DAG1: variants seen among roughly 807,000 people sequenced by gnomAD.
DAG1 encodes dystroglycan 1 (dystrophin-associated glycoprotein 1).
A neutral mutation model predicts 46.1 loss-of-function variants in DAG1; 8 were observed. The ratio of observed to expected loss-of-function variants is 0.17; its 90% confidence interval spans 0.10 to 0.31. The LOEUF is 0.31. DAG1 is among the 10% of genes least tolerant of loss of function. The pLI, the probability that DAG1 is intolerant of heterozygous loss-of-function variation, is 1.00. For missense variants in DAG1, 1,003 were observed against 1,189.9 expected, an observed-to-expected ratio of 0.84 and a Z score of 2.31; for synonymous variants, 495 against 481.8, an observed-to-expected ratio of 1.03 and a Z score of -0.36.
At chr3:49,493,086 C>G (rs1477926865) in intron 1 of DAG1, 1 of 133,528 alleles carries the variant, frequency 7.5e-6, no homozygotes, top group Non-Finnish European at 1.5e-5. Context: ...GCTCAGTCAC[C>G]CAGGCGGGAG....
intron 2 of DAG1, among the ~76,000 whole-genome samples, chr3:49,523,174 T>C (rs2051081888): frequency 6.6e-6 from 1 of 152,182 alleles, no homozygotes; most frequent in Non-Finnish European, 1.5e-5. Flanking sequence ...CAGAAATCTT[T>C]ATACCAGGCA....
rs1243542310 is a variant in DAG1 at position 49,481,185 on chromosome 3, G to C, written c.-117+10752G>C. 8.1e-5 allele frequency among the ~76,000 whole-genome samples: 12 copies of C among 148,276 alleles called. No individual in the cohort carries two copies. In the South Asian group the frequency reaches 1.7e-3, roughly 21 times the overall value. The stretch of plus-strand genomic sequence containing the variant: ...CGGGCGGATCACAAGGTCAGGAGAT[G>C]GAGACCGTCCTGGCTAACATGGTGA... On this transcript the variant is annotated intron_variant, in intron 1 of 2. Coordinates refer to ENST00000308775, the MANE Select transcript of DAG1 (RefSeq NM_004393.6).
rs370669533 is a variant in DAG1 at position 49,532,219 on chromosome 3, G to T, written c.1708G>T (p.Val570Leu). ...GTATGGCCTTCCCGACAGCAGCCAC[G>T]TGGGCAAACACGAGTATTTCATGCA... ...LMYGLPDSSHVGKHEYFMHAT... is the reference protein window; with the variant it reads ...LMYGLPDSSHLGKHEYFMHAT... Residue 570 changes from valine to leucine, a missense_variant, in exon 3 of 3, where the codon GTG becomes TTG. Transcript: ENST00000308775. This position sits in a 1 kb window ranked among gnomAD's most constrained non-coding sequence, Gnocchi z 5.4. 6.8e-6 allele frequency: 11 copies of T among 1,614,088 alleles called. No individual in the cohort carries two copies. Among genetic ancestry groups the T allele is most frequent in the East Asian group, 2.2e-5 (1 of 44,872 alleles).
intron 1 of DAG1, among the ~76,000 whole-genome samples, chr3:49,481,164 C>T (rs1179420918): frequency 1.4e-5 from 2 of 145,768 alleles, no homozygotes; most frequent in African/African-American, 2.5e-5. Flanking sequence ...CTGAGGCGGG[C>T]GGATCACAAG....
rs746894568 is a variant in DAG1, at chr3:49,531,087, G to A, written c.576G>A (p.Thr192=). Residue 192 remains threonine (T), a synonymous_variant, in exon 3 of 3, where the codon ACG becomes ACA. Transcript: ENST00000308775. The surrounding 1 kb of genome is among the most constrained non-coding windows in gnomAD (Gnocchi z 7.0). ...CGGATGAACCTGTGACTGTTTTGAC[G>A]GTGATTTTGGATGCCGACCTCACCA... ...CAADEPVTVL[T]VILDADLTKM... is the part of the protein sequence containing the mutation. 1.8e-5 allele frequency: 29 copies of A among 1,614,028 alleles called. No individual in the cohort carries two copies. The highest frequency in any genetic ancestry group is 2.3e-5 in the Non-Finnish European group (27 of 1,180,028).
In DAG1 at chr3:49,532,640, C is replaced by T. The variant is rs1200594266; in HGVS notation, c.2129C>T (p.Ser710Phe). 2.5e-6 allele frequency: 4 copies of T among 1,614,056 alleles called. No homozygotes were observed. The highest frequency in any genetic ancestry group is 3.3e-5 in the Admixed American group (2 of 60,022). The change falls in exon 3 of 3, where the codon TCT (serine) becomes TTT (phenylalanine). Residue 710 changes from serine to phenylalanine, a missense_variant. Transcript: ENST00000308775. The surrounding 1 kb of genome is among the most constrained non-coding windows in gnomAD (Gnocchi z 5.4). ...FKATSITVTG[S>F]GSCRHLQFIP... ...GCCACAAGCATCACTGTGACGGGCTCTGGCAGTTGTCGGCACCTACAGTTT... is the reference window on the plus strand; with the variant it reads ...GCCACAAGCATCACTGTGACGGGCTTTGGCAGTTGTCGGCACCTACAGTTT...
At chr3:49,500,014 G>A (rs1223482698) in intron 1 of DAG1, among the ~76,000 whole-genome samples, 5 of 145,116 alleles carry the variant, frequency 3.4e-5, no homozygotes, top group African/African-American at 5.2e-5. Context: ...TTGCTCTGTC[G>A]CCCAGTCTGG....
chr3:49,501,165 A>G (rs1203119728), intron 1 of DAG1, among the ~76,000 whole-genome samples: 1 of 152,156 alleles, frequency 6.6e-6, no homozygotes, highest in African/African-American at 2.4e-5. Flanking sequence ...CATGAAACAG[A>G]CACCCCATGT....
intron 2 of DAG1, among the ~76,000 whole-genome samples, chr3:49,519,569 C>A (rs2050977469): frequency 6.6e-6 from 1 of 152,136 alleles, no homozygotes; most frequent in Non-Finnish European, 1.5e-5. Flanking sequence ...GCAGTTTCTT[C>A]CTGCCTTGAG....
chr3:49,489,238 A>T (rs920344470), intron 1 of DAG1, among the ~76,000 whole-genome samples: 8 of 151,986 alleles, frequency 5.3e-5, no homozygotes, highest in African/African-American at 1.9e-4. Flanking sequence ...GATTACAGGC[A>T]TGTGCCACCA....
rs1466569530 is a variant in DAG1, at chr3:49,531,650, C to A, written c.1139C>A (p.Pro380Gln). The change falls in exon 3 of 3, where the codon CCA becomes CAA. Residue 380 changes from proline (P) to glutamine (Q), a missense_variant. This residue lies in a region of DAG1 where 755 missense variants were observed against 854.1 expected (regional missense o/e 0.88). Coordinates refer to ENST00000308775, the MANE Select transcript of DAG1 (RefSeq NM_004393.6). This position sits in a 1 kb window ranked among gnomAD's most constrained non-coding sequence, Gnocchi z 7.0. ...ACTCGAGGCGCCATTATTCAAACCC[C>A]AACCCTAGGCCCCATCCAGCCTACT... ...IRTRGAIIQT[P>Q]TLGPIQPTRV... 3 of 1,613,046 alleles carry A rather than the reference C, an allele frequency of 1.9e-6. No individual in the cohort carries two copies. The South Asian group carries it at 3.3e-5, about 18-fold the overall frequency.
At chr3:49,499,928 G>C (rs921150608) in intron 1 of DAG1, among the ~76,000 whole-genome samples, 2 of 151,606 alleles carry the variant, frequency 1.3e-5, no homozygotes, top group East Asian at 3.9e-4. Flanking sequence ...GGCTACAAAG[G>C]TCACTACCTT....
intron 2 of DAG1, among the ~76,000 whole-genome samples, chr3:49,522,076 C>T (rs1282014171): frequency 2.6e-5 from 4 of 151,898 alleles, no homozygotes; most frequent in African/African-American, 9.7e-5. Flanking sequence ...GTCCCCCAGG[C>T]TGGAGTGCAA....
chr3:49,518,485 C>T (rs1255939060), intron 2 of DAG1, among the ~76,000 whole-genome samples: 2 of 152,274 alleles, frequency 1.3e-5, no homozygotes, highest in African/African-American at 2.4e-5. Context: ...CCCAACAAAG[C>T]GCCTGAAGCA....
chr3:49,510,416 C>T lies in DAG1; in HGVS notation c.-116-3C>T, dbSNP rs76162752. 5 of 964,506 alleles carry T rather than the reference C, an allele frequency of 5.2e-6. No homozygotes were observed. Among genetic ancestry groups the T allele is most frequent in the Admixed American group, 1.9e-5 (1 of 52,746 alleles). 59.7% of individuals were successfully genotyped at this position (964,506 alleles called of 1,614,324 possible). A position where few individuals can be genotyped will look rare whatever the true frequency, so the allele number is the denominator to read the frequency against. ...TCTAAACCTGCTTTTCTTTTTTTTT[C>T]AGGCTCTGTGTGCTCCGGGATGGAG... is the stretch of plus-strand genomic sequence containing the variant. On this transcript the variant is annotated splice_region_variant and splice_polypyrimidine_tract_variant and intron_variant, in intron 1 of 2. Transcript: ENST00000308775.
chr3:49,510,124 CTAAT>C (rs2107642424), intron 1 of DAG1: 3 of 394,182 alleles, frequency 7.6e-6, no homozygotes, highest in South Asian at 1.1e-4. Flanking sequence ...CAAAATATTA[CTAAT>C]ACATATCATT....
chr3:49,506,628 T>G (rs1031936922), intron 1 of DAG1, among the ~76,000 whole-genome samples: 2 of 152,240 alleles, frequency 1.3e-5, no homozygotes, highest in Non-Finnish European at 2.9e-5. Context: ...TTTCAAATAT[T>G]GAGCTCTCCT....
chr3:49,476,834 C>T (rs1320056922), intron 1 of DAG1: 4 of 152,016 alleles, frequency 2.6e-5, no homozygotes, highest in African/African-American at 4.8e-5. Flanking sequence ...ATATTGTTTC[C>T]TCCTTTTCCT....
At chr3:49,474,627 C>T (rs982732468) in intron 1 of DAG1, among the ~76,000 whole-genome samples, 2 of 151,736 alleles carry the variant, frequency 1.3e-5, no homozygotes, top group African/African-American at 4.8e-5. Flanking sequence ...ATTACAGGCA[C>T]GAGCCACTGC....
Sources: allele counts gnomAD v4.1 joint callset (sites outside exome capture counted in the v4.1 genomes callset), GRCh38; gene constraint gnomAD v4.1.1; regional missense constraint gnomAD v4.1.1; non-coding constraint Gnocchi (gnomAD v3.1); transcripts MANE v1.5; gene names NCBI Gene and HGNC (gene_info 2026-07-23, HGNC 2026-07-21).